The following FAT3 variants were observed in gnomAD, a reference collection of about 807,000 sequenced individuals.
FAT3 encodes FAT atypical cadherin 3.
FAT3 carries 95 observed loss-of-function variants against 310.2 expected under a neutral mutation model. The ratio of observed to expected loss-of-function variants is 0.31; its 90% CI spans 0.26 to 0.36. The LOEUF is 0.36. Among genes scored for constraint, FAT3 ranks in the 10% least tolerant of loss-of-function variants. The pLI is 1.00. For synonymous variants in FAT3, 2,314 were observed against 2,192.9 expected (o/e 1.06, Z -1.54); for missense variants, 5,408 against 5,715.6 (o/e 0.95, Z 1.74).
intron 3 of FAT3, among the ~76,000 whole-genome samples, chr11:92,634,754 G>A (rs1357275328): frequency 6.6e-6 from 1 of 152,170 alleles, no homozygotes; most frequent in African/African-American, 2.4e-5. Flanking sequence ...TAGTGTTATG[G>A]ACTGAACATT....
rs1165240004 is a variant in FAT3 at position 92,895,848 on chromosome 11, T to C, written c.*4735T>C. The C allele has an allele frequency of 6.6e-6, 1 of 152,240 alleles. No individual in the cohort carries two copies. The highest frequency in any genetic ancestry group is 6.5e-5 in the Admixed American group (1 of 15,292). 9.4% of individuals were successfully genotyped at this position (152,240 alleles called of 1,614,324 possible). A position where few individuals can be genotyped will look rare whatever the true frequency, so the allele number is the denominator to read the frequency against. On this transcript the variant is annotated 3_prime_UTR_variant, in exon 28 of 28. Coordinates refer to ENST00000525166, the MANE Select transcript of FAT3 (RefSeq NM_001367949.2). ...ATACTATATTTGATGCCTATCAGGATGCTTTAATTTGGGGGGTCGAATATA... is the reference window on the plus strand; with the variant it reads ...ATACTATATTTGATGCCTATCAGGACGCTTTAATTTGGGGGGTCGAATATA...
intron 2 of FAT3, among the ~76,000 whole-genome samples, chr11:92,431,390 C>A (rs998578291): frequency 6.6e-6 from 1 of 152,062 alleles, no homozygotes; most frequent in African/African-American, 2.4e-5. Flanking sequence ...TGTTTGAGTT[C>A]ATTGTAGATT....
intron 15 of FAT3, among the ~76,000 whole-genome samples, chr11:92,835,780 C>T (rs1408552840): frequency 6.6e-6 from 1 of 152,146 alleles, no homozygotes; most frequent in East Asian, 1.9e-4. Flanking sequence ...TGGAGCAAAC[C>T]TAAGATTGAC....
At chr11:92,614,937 C>A (rs533736956) in intron 3 of FAT3, among the ~76,000 whole-genome samples, 1 of 152,242 alleles carries the variant, frequency 6.6e-6, no homozygotes, top group South Asian at 2.1e-4. Flanking sequence ...ATCCAGTTGT[C>A]CTAGCACTAT....
chr11:92,866,669 C>A, intron 21 of FAT3, 72 bp from the exon 22 acceptor site: 1 of 1,393,782 alleles, frequency 7.2e-7, no homozygotes, highest in Non-Finnish European at 9.7e-7. Flanking sequence ...CCGGGCCGGC[C>A]AGGAGCAGGG....
At chr11:92,673,735 G>T (rs1245752444) in intron 3 of FAT3, among the ~76,000 whole-genome samples, 1 of 152,002 alleles carries the variant, frequency 6.6e-6, no homozygotes, top group African/African-American at 2.4e-5. Flanking sequence ...AACTAGTCTG[G>T]ACTCCAATCC....
chr11:92,715,318 G>A (rs1387376527), intron 4 of FAT3, among the ~76,000 whole-genome samples: 1 of 151,692 alleles, frequency 6.6e-6, no homozygotes, highest in Non-Finnish European at 1.5e-5. Context: ...TGAGGCAGGA[G>A]AATGGTGTGA....
chr11:92,239,687 A>T (rs989408542), intron 1 of FAT3, among the ~76,000 whole-genome samples: 1 of 152,074 alleles, frequency 6.6e-6, no homozygotes, highest in African/African-American at 2.4e-5. Flanking sequence ...CTTGCACAGG[A>T]GAGGTTGAAT....
intron 1 of FAT3, among the ~76,000 whole-genome samples, chr11:92,273,658 G>A (rs77290281): frequency 0.021 from 3,223 of 152,124 alleles, 117 homozygotes; most frequent in African/African-American, 0.073. Context: ...AAGATGGTGA[G>A]GGAAGAAGAA....
intron 1 of FAT3, chr11:92,336,419 G>A: frequency 3.0e-6 from 1 of 336,496 alleles, no homozygotes; most frequent in South Asian, 2.6e-5. Flanking sequence ...CCCAGCGGAG[G>A]TGGGTGGCCA....
At chr11:92,553,011 T>C (rs1591439990) in intron 3 of FAT3, among the ~76,000 whole-genome samples, 2 of 147,268 alleles carry the variant, frequency 1.4e-5, no homozygotes, top group South Asian at 4.4e-4. Flanking sequence ...AGAGGAAATA[T>C]GGAAGGAAAT....
chr11:92,432,021 C>T (rs996275776), intron 2 of FAT3, among the ~76,000 whole-genome samples: 4 of 152,076 alleles, frequency 2.6e-5, no homozygotes, highest in Non-Finnish European at 5.9e-5. Context: ...GTAGTTTTTT[C>T]CAATTCTGTG....
chr11:92,689,332 A>G (rs576595942), intron 3 of FAT3, among the ~76,000 whole-genome samples: 1 of 152,312 alleles, frequency 6.6e-6, no homozygotes, highest in East Asian at 1.9e-4. Flanking sequence ...ATTCAGAATT[A>G]TGAAAAAAAT....
At chr11:92,226,829 C>A (rs1330749406) in intron 1 of FAT3, among the ~76,000 whole-genome samples, 1 of 152,130 alleles carries the variant, frequency 6.6e-6, no homozygotes, top group African/African-American at 2.4e-5. Context: ...GGCGAACCTG[C>A]AGCAGCCGCG....
rs753781230 is a variant in FAT3 at position 92,837,748 on chromosome 11, C to T, written c.10310C>T (p.Ser3437Phe). 1 of 1,613,986 alleles carries T rather than the reference C, an allele frequency of 6.2e-7. No individual in the cohort carries two copies. The highest frequency in any genetic ancestry group is 1.7e-5 in the Admixed American group (1 of 60,030). The change falls in exon 17 of 28, where the codon TCT (serine) becomes TTT (phenylalanine). Residue 3437 changes from serine (S) to phenylalanine (F), a missense_variant. Physicochemically the swap from Ser to Phe is radical, Grantham distance 155. Around this residue, in one of 5 missense-constraint regions of FAT3, gnomAD observed 4,588 missense variants for 4,809.8 expected, o/e 0.95. Transcript: ENST00000525166. ...SSTATVNIDI[S>F]DVNDNSPVFT... The stretch of plus-strand genomic sequence containing the variant: ...ACTGCAACTGTCAACATTGATATTT[C>T]TGATGTGAATGACAACAGCCCGGTG...
chr11:92,624,912 T>C (rs1941256298), intron 3 of FAT3, among the ~76,000 whole-genome samples: 1 of 152,214 alleles, frequency 6.6e-6, no homozygotes, highest in Non-Finnish European at 1.5e-5. Flanking sequence ...TCTATTGTTA[T>C]CGTATGTCTC....
At chr11:92,777,122 C>G (rs1187076783) in intron 7 of FAT3, among the ~76,000 whole-genome samples, 1 of 152,226 alleles carries the variant, frequency 6.6e-6, no homozygotes, top group Non-Finnish European at 1.5e-5. Context: ...TACCATCAAA[C>G]AGATAACCTT....
chr11:92,860,906 C>A (rs61582248), intron 21 of FAT3, among the ~76,000 whole-genome samples: 7,756 of 152,252 alleles, frequency 0.051, 672 homozygotes, highest in African/African-American at 0.18. Context: ...CAGTCTCCCA[C>A]TCTCCTTATT....
intron 3 of FAT3, among the ~76,000 whole-genome samples, chr11:92,613,580 C>G (rs1940668731): frequency 6.6e-6 from 1 of 152,166 alleles, no homozygotes; most frequent in African/African-American, 2.4e-5. Context: ...CAACTCTCTT[C>G]TCTCTTTATT....
Sources: allele counts gnomAD v4.1 joint callset (sites outside exome capture counted in the v4.1 genomes callset), GRCh38; gene constraint gnomAD v4.1.1; regional missense constraint gnomAD v4.1.1; transcripts MANE v1.5; gene names NCBI Gene and HGNC (gene_info 2026-07-23, HGNC 2026-07-21).